Variants in INVS observed in about 807,000 individuals in gnomAD.
The protein encoded by INVS is inversion of embryo turning homolog.
A neutral mutation model predicts 108.8 loss-of-function variants in INVS; 86 were observed. The observed-to-expected ratio is 0.79, with a 90% CI of 0.66 to 0.95. The LOEUF (loss-of-function observed/expected upper bound fraction) is 0.95. Among genes scored for constraint, INVS ranks in the 40% least tolerant of loss-of-function variants. INVS has a pLI of 0.00. For synonymous variants in INVS, 455 were observed against 473.5 expected, an observed-to-expected ratio of 0.96 and a Z score of 0.51; for missense variants, 1,169 against 1,297.4, an observed-to-expected ratio of 0.90 and a Z score of 1.52.
chr9:100,187,798 G>A (rs575945993), intron 3 of INVS, among the ~76,000 whole-genome samples: 1 of 152,254 alleles, frequency 6.6e-6, no homozygotes, highest in Non-Finnish European at 1.5e-5. Context: ...GGGATTATAG[G>A]CGTGAGCCAC....
chr9:100,294,570 C>G (rs886302277), intron 14 of INVS, among the ~76,000 whole-genome samples: 12 of 152,166 alleles, frequency 7.9e-5, no homozygotes, highest in African/African-American at 2.9e-4. Flanking sequence ...ATTTTTCAGA[C>G]GAGAGGAAAA....
intron 13 of INVS, among the ~76,000 whole-genome samples, chr9:100,288,970 G>C (rs113299152): frequency 9.8e-6 from 1 of 101,846 alleles, no homozygotes; most frequent in African/African-American, 5.3e-5. Flanking sequence ...TCTTTTGCTG[G>C]TTGGAAAGAA....
At chr9:100,255,620 G>A (rs1429939948) in intron 10 of INVS, among the ~76,000 whole-genome samples, 1 of 151,872 alleles carries the variant, frequency 6.6e-6, no homozygotes, top group East Asian at 1.9e-4. Context: ...GTTTTTAGCA[G>A]GAAGGGCTGT....
chr9:100,280,729 G>GA (rs1564188946), intron 12 of INVS, among the ~76,000 whole-genome samples: 1 of 151,862 alleles, frequency 6.6e-6, no homozygotes, highest in Non-Finnish European at 1.5e-5. Flanking sequence ...CATAACTTAA[G>GA]AAAAAAACAT....
At chr9:100,151,964 A>G (rs1828821181) in intron 3 of INVS, among the ~76,000 whole-genome samples, 1 of 152,210 alleles carries the variant, frequency 6.6e-6, no homozygotes, top group Non-Finnish European at 1.5e-5. Context: ...AATCTGCTTT[A>G]TACTTACAAC....
chr9:100,252,596 C>G (rs1364248168), intron 9 of INVS, among the ~76,000 whole-genome samples, 158 bp downstream of exon 9: 6 of 152,186 alleles, frequency 3.9e-5, no homozygotes, highest in Admixed American at 3.9e-4. Flanking sequence ...AGTTCTACTC[C>G]TAGCTCCACT....
At chr9:100,118,385 T>A (rs1322950799) in intron 2 of INVS, among the ~76,000 whole-genome samples, 1 of 151,552 alleles carries the variant, frequency 6.6e-6, no homozygotes, top group Non-Finnish European at 1.5e-5. Flanking sequence ...ATTTTTGTAT[T>A]TTTAGTAGAA....
chr9:100,144,061 T>C (rs1052465544), intron 3 of INVS, among the ~76,000 whole-genome samples: 2 of 151,904 alleles, frequency 1.3e-5, no homozygotes, highest in African/African-American at 4.8e-5. Flanking sequence ...AACAGTCTGA[T>C]TTTCAGTGGG....
At chr9:100,169,350 T>C (rs1190411941) in intron 3 of INVS, among the ~76,000 whole-genome samples, 1 of 152,174 alleles carries the variant, frequency 6.6e-6, no homozygotes, top group Admixed American at 6.5e-5. Flanking sequence ...CTGTACTCCT[T>C]TACATTTATG....
chr9:100,229,569 A>G, intron 4 of INVS, 91 bp from the exon 5 acceptor site: 1 of 1,166,742 alleles, frequency 8.6e-7, no homozygotes. Flanking sequence ...ACTACTGTAT[A>G]AAACTCTTAT....
At chr9:100,228,513 G>A (rs73491452) in intron 4 of INVS, among the ~76,000 whole-genome samples, 29,004 of 152,098 alleles carry the variant, frequency 0.19, 4,459 homozygotes, top group African/African-American at 0.43. Context: ...GAAACATCCT[G>A]TCAAGTTCTT....
Position 100,292,844 on chromosome 9 carries a change from G to C in INVS, c.2587G>C (p.Glu863Gln), listed in dbSNP as rs750490540. 5 of 1,614,042 alleles carry C rather than the reference G, an allele frequency of 3.1e-6. No individual in the cohort carries two copies. The highest frequency in any genetic ancestry group is 3.4e-6 in the Non-Finnish European group (4 of 1,180,044). The change falls in exon 14 of 17, where the codon GAG becomes CAG. Residue 863 changes from glutamate to glutamine, a missense_variant. By Grantham distance (29) the Glu-to-Gln change is conservative (BLOSUM62 2). Coordinates refer to ENST00000262457, the MANE Select transcript of INVS (RefSeq NM_014425.5). The stretch of plus-strand genomic sequence containing the variant: ...GTTGAGGTCAGGAGCTAGGAGGCTG[G>C]AGACATCTACCCTGTCCGAGGACTT... Reference protein sequence around the residue: ...EELRSGARRLETSTLSEDFQV... With the variant: ...EELRSGARRLQTSTLSEDFQV...
chr9:100,204,953 TA>T (rs1398920786), intron 3 of INVS, among the ~76,000 whole-genome samples: 1 of 152,166 alleles, frequency 6.6e-6, no homozygotes, highest in Non-Finnish European at 1.5e-5. Flanking sequence ...ACAGTCAGCT[TA>T]AATTATATAG....
At chr9:100,147,090 A>G (rs1212106349) in intron 3 of INVS, among the ~76,000 whole-genome samples, 1 of 152,102 alleles carries the variant, frequency 6.6e-6, no homozygotes, top group Non-Finnish European at 1.5e-5. Context: ...TTTCCCCTTT[A>G]CCTCTTCTGT....
intron 3 of INVS, among the ~76,000 whole-genome samples, chr9:100,131,185 T>G (rs1455830867): frequency 6.6e-6 from 1 of 152,144 alleles, no homozygotes; most frequent in African/African-American, 2.4e-5. Flanking sequence ...AAGTAGCTCT[T>G]TTTGTTTGTT....
At chr9:100,159,381 G>A (rs1463665006) in intron 3 of INVS, among the ~76,000 whole-genome samples, 1 of 152,198 alleles carries the variant, frequency 6.6e-6, no homozygotes, top group East Asian at 1.9e-4. Context: ...CATACAGATA[G>A]TCAATGGCTC....
At chr9:100,132,531 G>T (rs1374808030) in intron 3 of INVS, among the ~76,000 whole-genome samples, 1 of 152,082 alleles carries the variant, frequency 6.6e-6, no homozygotes, top group Non-Finnish European at 1.5e-5. Context: ...AAAGCATTCT[G>T]TTTGTTGGAG....
Position 100,264,856 on chromosome 9 carries a change from G to C in INVS, c.1499G>C (p.Gly500Ala). The change falls in exon 11 of 17, where the codon GGA becomes GCA. Residue 500 changes from glycine to alanine, a missense_variant. This residue lies in a region of INVS where 271 missense variants were observed against 363.8 expected (regional missense o/e 0.74). Coordinates refer to ENST00000262457, the MANE Select transcript of INVS (RefSeq NM_014425.5). ...RTALHWSCNN[G>A]YLDAIKLLLD... ...GCTTTGCATTGGTCCTGCAACAATG[G>C]ATACCTTGATGCCATTAAATTACTG... is the stretch of plus-strand genomic sequence containing the variant. 2 of 1,613,708 alleles carry C rather than the reference G, an allele frequency of 1.2e-6. No homozygotes were observed. Among genetic ancestry groups the C allele is most frequent in the Non-Finnish European group, 1.7e-6 (2 of 1,179,792 alleles).
intron 3 of INVS, among the ~76,000 whole-genome samples, chr9:100,190,230 G>A (rs780180840): frequency 6.6e-6 from 1 of 151,920 alleles, no homozygotes; most frequent in African/African-American, 2.4e-5. Flanking sequence ...CCATTTGCTT[G>A]GAATATCTGT....
Sources: gnomAD v4.1 joint callset for allele counts (sites outside exome capture counted in the v4.1 genomes callset) on GRCh38, gnomAD v4.1.1 for gene constraint, gnomAD v4.1.1 regional missense constraint, MANE v1.5 for transcripts, NCBI Gene and HGNC (gene_info 2026-07-23, HGNC 2026-07-21) for gene names.